LCAT: variants seen among roughly 807,000 people sequenced by gnomAD.
LCAT encodes the protein phosphatidylcholine-sterol acyltransferase.
In LCAT, 15 loss-of-function variants were observed where a neutral mutation model predicts 41.0. The observed-to-expected ratio is 0.37, with a 90% CI of 0.24 to 0.56. The LOEUF is 0.56. LCAT is among the 20% of genes least tolerant of loss of function. The pLI is 0.81. For synonymous variants in LCAT, 248 were observed against 245.4 expected (o/e 1.01, Z -0.10); for missense variants, 449 against 595.1 (o/e 0.75, Z 2.55).
At position 67,942,349 on chromosome 16, in the gene LCAT, C is replaced by T. The variant is rs200840812; in HGVS notation, c.748+14G>A. The T allele has an allele frequency of 1.7e-5, 28 of 1,612,884 alleles. No individual in the cohort carries two copies. Among genetic ancestry groups the T allele is most frequent in the South Asian group, 6.6e-5 (6 of 91,018 alleles). Reference sequence around the variant, plus strand: ...TCACCCATCGCTGGACCTAAGTGTTCGAGGCCTTCTCACCTGAGGCCAAGA... The same window carrying T: ...TCACCCATCGCTGGACCTAAGTGTTTGAGGCCTTCTCACCTGAGGCCAAGA... On this transcript the variant is annotated intron_variant, in intron 5 of 5. Coordinates refer to ENST00000264005, the MANE Select transcript of LCAT (RefSeq NM_000229.2). This position sits in a 1 kb window ranked among gnomAD's most constrained non-coding sequence, Gnocchi z 6.6.
Position 67,940,498 on chromosome 16 carries a change from T to C in LCAT, c.749-20A>G. On this transcript the variant is annotated intron_variant, in intron 5 of 5. Coordinates refer to ENST00000264005, the MANE Select transcript of LCAT (RefSeq NM_000229.2). ...TGTCACCTGTGGATATGGAGCAAGGTGGGACAGGGAGCCAGGCCTGGCTAC... is the reference window on the plus strand; with the variant it reads ...TGTCACCTGTGGATATGGAGCAAGGCGGGACAGGGAGCCAGGCCTGGCTAC... 1 of 1,613,244 alleles carries C rather than the reference T, an allele frequency of 6.2e-7. No homozygotes were observed. The highest frequency in any genetic ancestry group is 8.5e-7 in the Non-Finnish European group (1 of 1,179,760).
chr16:67,942,344 G>A lies in LCAT; in HGVS notation c.748+19C>T. ...TGGTCTCACCCATCGCTGGACCTAA[G>A]TGTTCGAGGCCTTCTCACCTGAGGC... On this transcript the variant is annotated intron_variant, in intron 5 of 5. Coordinates refer to ENST00000264005, the MANE Select transcript of LCAT (RefSeq NM_000229.2). This position sits in a 1 kb window ranked among gnomAD's most constrained non-coding sequence, Gnocchi z 6.6. 6.2e-7 allele frequency: 1 copy of A among 1,611,936 alleles called. No individual in the cohort carries two copies. Among genetic ancestry groups the A allele is most frequent in the Non-Finnish European group, 8.5e-7 (1 of 1,178,398 alleles).
At position 67,943,067 on chromosome 16, in the gene LCAT, G is replaced by A. The variant is rs865784731; in HGVS notation, c.300C>T (p.Ile100=). 1.2e-6 allele frequency: 2 copies of A among 1,613,964 alleles called. No homozygotes were observed. Among genetic ancestry groups the A allele is most frequent in the Non-Finnish European group, 8.5e-7 (1 of 1,179,934 alleles). Residue 100 remains isoleucine (I), a synonymous_variant, in exon 2 of 6, where the codon ATC becomes ATT. Transcript: ENST00000264005. This position sits in a 1 kb window ranked among gnomAD's most constrained non-coding sequence, Gnocchi z 4.6. ...GCACATGGCTGTACCTGGTGTTATC[G>A]ATCCAGCAGTCTACCCCAAGGGGTA... is the stretch of plus-strand genomic sequence containing the variant. The part of the protein sequence containing the change: ...MFLPLGVDCW[I]DNTRVVYNRS...
chr16:67,940,889 T>C (rs1042667330), intron 5 of LCAT: 11 of 207,060 alleles, frequency 5.3e-5, no homozygotes, highest in Non-Finnish European at 9.9e-5. Flanking sequence ...CCTCTAGTCC[T>C]AGCTACTCAG....
intron 5 of LCAT, chr16:67,941,542 G>T: frequency 1.4e-6 from 1 of 716,802 alleles, no homozygotes; most frequent in African/African-American, 1.9e-5. Context: ...GATTGCTTGG[G>T]CCAGGGAGAT....
At chr16:67,941,733 G>A (rs989138350) in intron 5 of LCAT, 2 of 997,808 alleles carry the variant, frequency 2.0e-6, no homozygotes, top group South Asian at 4.4e-5. Context: ...CCTCGGGCAT[G>A]TGTCTTTCTG....
At position 67,940,154 on chromosome 16, in the gene LCAT, G is replaced by C. The variant is rs759917018; in HGVS notation, c.1073C>G (p.Thr358Arg). ...CTCATAGAGCACACCCACAGGGTCC[G>C]TGTAGGGGAAGCCGTGGTCGTAGAT... is the stretch of plus-strand genomic sequence containing the variant. ...TYIYDHGFPY[T>R]DPVGVLYEDG... The change falls in exon 6 of 6, where the codon ACG becomes AGG. Residue 358 changes from threonine to arginine, a missense_variant. Thr to Arg is a moderately conservative substitution (Grantham distance 71). Transcript: ENST00000264005. 6.2e-7 allele frequency: 1 copy of C among 1,613,562 alleles called. No homozygotes were observed. The highest frequency in any genetic ancestry group is 8.5e-7 in the Non-Finnish European group (1 of 1,180,024).
chr16:67,940,613 T>TA, intron 5 of LCAT, 135 bp from the exon 6 acceptor site: 1 of 1,396,508 alleles, frequency 7.2e-7, no homozygotes, highest in Non-Finnish European at 9.6e-7. Flanking sequence ...GCCACAGGCT[T>TA]GAGCAGGCCT....
rs1838131448 is a variant in LCAT, at chr16:67,940,395, G to A, written c.832C>T (p.Pro278Ser). 1 of 1,614,154 alleles carries A rather than the reference G, an allele frequency of 6.2e-7. No homozygotes were observed. The change falls in exon 6 of 6, where the codon CCC (proline) becomes TCC (serine). Residue 278 changes from proline (P) to serine (S), a missense_variant. Coordinates refer to ENST00000264005, the MANE Select transcript of LCAT (RefSeq NM_000229.2). ...RITTTSPWMF[P>S]SRMAWPEDHV... is the part of the protein sequence containing the mutation. ...TCCTCAGGCCACGCCATGCGAGAGG[G>A]AAACATCCAGGGGGAGGTGGTGGTT... is the stretch of plus-strand genomic sequence containing the variant.
chr16:67,942,198 A>G lies in LCAT; in HGVS notation c.748+165T>C. 1 of 1,296,452 alleles carries G rather than the reference A, an allele frequency of 7.7e-7. No individual in the cohort carries two copies. Among genetic ancestry groups the G allele is most frequent in the South Asian group, 1.3e-5 (1 of 77,426 alleles). 80.3% of individuals were successfully genotyped at this position (1,296,452 alleles called of 1,614,324 possible). ...CTGGAAGGAGCCACCCTAATTGCTC[A>G]GGCCAGGGTCACTGCTCTGGGGGCC... On this transcript the variant is annotated intron_variant, in intron 5 of 5. Coordinates refer to ENST00000264005, the MANE Select transcript of LCAT (RefSeq NM_000229.2). This position sits in a 1 kb window ranked among gnomAD's most constrained non-coding sequence, Gnocchi z 6.6.
In LCAT at chr16:67,939,900, G is replaced by A. The variant is rs759216171; in HGVS notation, c.*4C>T. 1 of 1,611,460 alleles carries A rather than the reference G, an allele frequency of 6.2e-7. No individual in the cohort carries two copies. The highest frequency in any genetic ancestry group is 2.2e-5 in the East Asian group (1 of 44,850). ...TCAGGGCTTACGGTAGCAAAGGAAG[G>A]TCTTTATTCAGGAGGCGGGGGCTCT... On this transcript the variant is annotated 3_prime_UTR_variant, in exon 6 of 6. Transcript: ENST00000264005.
rs1598205360 is a variant in LCAT at position 67,943,770 on chromosome 16, G to A, written c.154+178C>T. 6.4e-6 allele frequency: 4 copies of A among 627,678 alleles called. No individual in the cohort carries two copies. The East Asian group carries it at 1.1e-4, about 18-fold the overall frequency. 38.9% of individuals were successfully genotyped at this position (627,678 alleles called of 1,614,324 possible). A position where few individuals can be genotyped will look rare whatever the true frequency, so the allele number is the denominator to read the frequency against. On this transcript the variant is annotated intron_variant, in intron 1 of 5. Coordinates refer to ENST00000264005, the MANE Select transcript of LCAT (RefSeq NM_000229.2). This position sits in a 1 kb window ranked among gnomAD's most constrained non-coding sequence, Gnocchi z 4.6. ...GACAACTGAGAGTCACAGTGTGGTG[G>A]GAGAAGGGACGTCATTCCTCTAAGG...
chr16:67,941,948 A>G, intron 5 of LCAT: 1 of 1,177,146 alleles, frequency 8.5e-7, no homozygotes, highest in Non-Finnish European at 1.1e-6. Flanking sequence ...CCCTGGTGCC[A>G]CTCCCTAGGG....
In LCAT at chr16:67,943,145, G is replaced by C. The variant is rs1242606598; in HGVS notation, c.222C>G (p.Cys74Trp). 1 of 1,613,844 alleles carries C rather than the reference G, an allele frequency of 6.2e-7. No homozygotes were observed. Among genetic ancestry groups the C allele is most frequent in the Non-Finnish European group, 8.5e-7 (1 of 1,179,966 alleles). ...LDKPDVVNWMCYRKTEDFFTI... is the reference protein window; with the variant it reads ...LDKPDVVNWMWYRKTEDFFTI... ...TGAAGAAGTCCTCTGTCTTGCGGTA[G>C]CACATCCAGTTCACCACATCTGGTT... Residue 74 changes from cysteine to tryptophan, a missense_variant, in exon 2 of 6, where the codon TGC (cysteine) becomes TGG (tryptophan). Coordinates refer to ENST00000264005, the MANE Select transcript of LCAT (RefSeq NM_000229.2). This position sits in a 1 kb window ranked among gnomAD's most constrained non-coding sequence, Gnocchi z 4.6.
At chr16:67,941,477 T>C (rs1396372403) in intron 5 of LCAT, 14 of 222,288 alleles carry the variant, frequency 6.3e-5, no homozygotes, top group African/African-American at 2.8e-4. Context: ...AAAAATAAAT[T>C]AGGTGTGGTG....
chr16:67,942,340 C>G lies in LCAT; in HGVS notation c.748+23G>C, dbSNP rs762929082. ...AGCTTGGTCTCACCCATCGCTGGAC[C>G]TAAGTGTTCGAGGCCTTCTCACCTG... is the stretch of plus-strand genomic sequence containing the variant. On this transcript the variant is annotated intron_variant, in intron 5 of 5. Coordinates refer to ENST00000264005, the MANE Select transcript of LCAT (RefSeq NM_000229.2). The surrounding 1 kb of genome is among the most constrained non-coding windows in gnomAD (Gnocchi z 6.6). 24 of 1,611,518 alleles carry G rather than the reference C, an allele frequency of 1.5e-5. No individual in the cohort carries two copies. The African/African-American group carries it at 3.2e-4, about 21-fold the overall frequency.
chr16:67,940,603 G>A lies in LCAT; in HGVS notation c.749-125C>T. 5 of 1,477,422 alleles carry A rather than the reference G, an allele frequency of 3.4e-6. No individual in the cohort carries two copies. The South Asian group carries it at 5.1e-5, about 15-fold the overall frequency. 91.5% of individuals were successfully genotyped at this position (1,477,422 alleles called of 1,614,324 possible). On this transcript the variant is annotated intron_variant, in intron 5 of 5. Coordinates refer to ENST00000264005, the MANE Select transcript of LCAT (RefSeq NM_000229.2). ...TGCCCAATCTAGACACAGACTCTAA[G>A]CCACAGGCTTGAGCAGGCCTGATAT... is the stretch of plus-strand genomic sequence containing the variant.
rs568288823 is a variant in LCAT at position 67,943,735 on chromosome 16, C to T, written c.154+213G>A. 39 of 584,826 alleles carry T rather than the reference C, an allele frequency of 6.7e-5. No individual in the cohort carries two copies. The African/African-American group carries it at 6.7e-4, about 10-fold the overall frequency. 36.2% of individuals were successfully genotyped at this position (584,826 alleles called of 1,614,324 possible). ...CACACCCCGTCCCCCACTCCGCCCC[C>T]CCTGGGTTAGACAACTGAGAGTCAC... is the stretch of plus-strand genomic sequence containing the variant. On this transcript the variant is annotated intron_variant, in intron 1 of 5. Transcript: ENST00000264005. The surrounding 1 kb of genome is among the most constrained non-coding windows in gnomAD (Gnocchi z 4.6).
chr16:67,940,984 GAC>G (rs565455304), intron 5 of LCAT, among the ~76,000 whole-genome samples: 91 of 152,038 alleles, frequency 6.0e-4, no homozygotes, highest in African/African-American at 1.6e-3. Context: ...TAGCCTGGGT[GAC>G]ACAGTGAGAT....
Sources: gnomAD v4.1 joint callset for allele counts (sites outside exome capture counted in the v4.1 genomes callset) on GRCh38, gnomAD v4.1.1 for gene constraint, Gnocchi (gnomAD v3.1) non-coding constraint, MANE v1.5 for transcripts, NCBI Gene and HGNC (gene_info 2026-07-23, HGNC 2026-07-21) for gene names.